The following PMFBP1 variants were observed in gnomAD, a reference collection of about 807,000 sequenced individuals.
PMFBP1 encodes the protein polyamine-modulated factor 1-binding protein 1.
Under a neutral mutation model 137.8 loss-of-function variants are expected in PMFBP1, and 131 were observed. The ratio of observed to expected loss-of-function variants is 0.95; its 90% confidence interval spans 0.82 to 1.10. PMFBP1 has a LOEUF of 1.10. Ranked by LOEUF, PMFBP1 falls within the 50% of genes least tolerant of loss-of-function variation. PMFBP1 has a pLI of 0.00. For synonymous variants in PMFBP1, 490 were observed against 450.4 expected (o/e 1.09, Z -1.11); for missense variants, 1,199 against 1,175.4 (o/e 1.02, Z -0.29).
the PMFBP1 span, among the ~76,000 whole-genome samples, chr16:72,245,001 T>C: frequency 5.3e-5 from 8 of 152,270 alleles, no homozygotes; most frequent in South Asian, 1.0e-3. Context: ...GTCGGGCAAC[T>C]GACTTGGGTT....
chr16:72,156,081 G>C (rs922240462), intron 3 of PMFBP1, among the ~76,000 whole-genome samples: 1 of 152,056 alleles, frequency 6.6e-6, no homozygotes, highest in African/African-American at 2.4e-5. Context: ...CCACCTCCCC[G>C]GTTCAAGTGA....
the PMFBP1 span, among the ~76,000 whole-genome samples, chr16:72,237,525 G>A: frequency 6.6e-6 from 1 of 151,990 alleles, no homozygotes; most frequent in Non-Finnish European, 1.5e-5. Flanking sequence ...ACCATGGGAT[G>A]TCTTTCCATT....
the PMFBP1 span, among the ~76,000 whole-genome samples, chr16:72,238,591 G>T: frequency 6.6e-6 from 1 of 152,034 alleles, no homozygotes; most frequent in Non-Finnish European, 1.5e-5. Context: ...CTTCCCTTTA[G>T]ACTTAATTAT....
chr16:72,133,046 G>T, intron 9 of PMFBP1, 55 bp from the exon 10 acceptor site: 1 of 1,589,632 alleles, frequency 6.3e-7, no homozygotes, highest in Non-Finnish European at 8.6e-7. Context: ...GTGGGTGAAG[G>T]CAATGAGAGG....
chr16:72,204,146 G>A, the PMFBP1 span, among the ~76,000 whole-genome samples: 1 of 151,764 alleles, frequency 6.6e-6, no homozygotes, highest in Non-Finnish European at 1.5e-5. Flanking sequence ...CTTCTCTTAT[G>A]GTGAAATGAT....
At chr16:72,156,356 C>T (rs184487910) in intron 3 of PMFBP1, among the ~76,000 whole-genome samples, 91 of 151,900 alleles carry the variant, frequency 6.0e-4, no homozygotes, top group South Asian at 4.4e-3. Flanking sequence ...CGGTGGCTCA[C>T]GCCTGTAATC....
chr16:72,209,947 C>T, the PMFBP1 span, among the ~76,000 whole-genome samples: 1 of 152,232 alleles, frequency 6.6e-6, no homozygotes, highest in Non-Finnish European at 1.5e-5. Context: ...CTGGGCCGTT[C>T]CCCCAGCTCT....
rs151007835 is a variant in PMFBP1 at position 72,140,311 on chromosome 16, C to T, written c.807+101G>A. On this transcript the variant is annotated intron_variant, in intron 6 of 20. Coordinates refer to ENST00000237353, the MANE Select transcript of PMFBP1 (RefSeq NM_031293.3). ...TATATATCAGACATTTGAGGATTCT[C>T]GGCGAAAAAGATTAATTTAGGTGAC... 19 of 1,238,500 alleles carry T rather than the reference C, an allele frequency of 1.5e-5. No homozygotes were observed. The African/African-American group carries it at 1.8e-4, about 12-fold the overall frequency. The allele number at this position is 1,238,500 out of a possible 1,614,324, so 76.7% of individuals were successfully genotyped here.
intron 3 of PMFBP1, among the ~76,000 whole-genome samples, chr16:72,159,130 C>A (rs542618063): frequency 3.3e-5 from 5 of 152,300 alleles, no homozygotes; most frequent in South Asian, 4.2e-4. Context: ...TTTGCTTCCA[C>A]GTCCCTGTTT....
In PMFBP1 at chr16:72,125,403, G is replaced by A. The variant is rs35278932; in HGVS notation, c.2256C>T (p.Leu752=). 18,043 of 1,608,470 alleles carry A rather than the reference G, an allele frequency of 0.011. 124 individuals are homozygous for A. Among genetic ancestry groups the A allele is most frequent in the Non-Finnish European group, 0.014 (16,037 of 1,178,542 alleles). ...QDDLTQALEK[L]NHVTSETKSL... Reference sequence around the variant, plus strand: ...TCTTTGTCTCTGAGGTCACGTGATTGAGCTTCCGGAAAAGACAAAGAGGAC... The same window carrying A: ...TCTTTGTCTCTGAGGTCACGTGATTAAGCTTCCGGAAAAGACAAAGAGGAC... The change falls in exon 16 of 21, where the codon CTC becomes CTT. Residue 752 remains leucine, a splice_region_variant and synonymous_variant. Transcript: ENST00000237353.
Position 72,122,905 on chromosome 16 carries a change from A to G in PMFBP1, c.2768+9T>C. On this transcript the variant is annotated intron_variant, in intron 19 of 20. Transcript: ENST00000237353. ...CAGGAAGCAGCCAGGGTGGTTTAAG[A>G]TGACTTACTCCTTTTCGCCACTCAG... 1 of 1,611,938 alleles carries G rather than the reference A, an allele frequency of 6.2e-7. No individual in the cohort carries two copies. Among genetic ancestry groups the G allele is most frequent in the Non-Finnish European group, 8.5e-7 (1 of 1,179,194 alleles).
At chr16:72,162,841 G>T (rs921445187) in intron 3 of PMFBP1, among the ~76,000 whole-genome samples, 1 of 152,188 alleles carries the variant, frequency 6.6e-6, no homozygotes, top group Admixed American at 6.5e-5. Flanking sequence ...CAGCAATGGT[G>T]AAAATATCCT....
chr16:72,190,683 TG>T, the PMFBP1 span, among the ~76,000 whole-genome samples: 1 of 149,526 alleles, frequency 6.7e-6, no homozygotes, highest in Non-Finnish European at 1.5e-5. Context: ...GAGAGAGAGG[TG>T]GGGTTGGGGA....
chr16:72,123,523 T>C (rs2042407961), intron 18 of PMFBP1, 23 bp downstream of exon 18: 24 of 1,609,538 alleles, frequency 1.5e-5, no homozygotes, highest in Non-Finnish European at 1.9e-5. Flanking sequence ...GGACCCTGCC[T>C]CCCTTTTTCC....
intron 2 of PMFBP1, among the ~76,000 whole-genome samples, chr16:72,167,292 A>G (rs905939701): frequency 6.6e-6 from 1 of 151,700 alleles, no homozygotes; most frequent in African/African-American, 2.4e-5. Flanking sequence ...TAGTACCTGG[A>G]CTTTTTTTTT....
intron 6 of PMFBP1, 31 bp from the exon 7 acceptor site, chr16:72,139,430 A>G: frequency 6.7e-7 from 1 of 1,483,780 alleles, no homozygotes; most frequent in South Asian, 1.1e-5. Flanking sequence ...GTTATGCTGG[A>G]TGATCAATGG....
chr16:72,249,200 T>A, the PMFBP1 span, among the ~76,000 whole-genome samples: 1 of 152,186 alleles, frequency 6.6e-6, no homozygotes, highest in Non-Finnish European at 1.5e-5. Flanking sequence ...GGTGCCTCCA[T>A]TTCAGTGTCT....
In PMFBP1 at chr16:72,125,371, T is replaced by C. The variant is rs781693529; in HGVS notation, c.2288A>G (p.Gln763Arg). The C allele has an allele frequency of 5.6e-6, 9 of 1,613,170 alleles. No individual in the cohort carries two copies. In the Admixed American group the frequency reaches 1.5e-4, roughly 27 times the overall value. Reference sequence around the variant, plus strand: ...CTCTTGGGTCTGTGTCAAGCTTTGCTGCAGGCTCTTTGTCTCTGAGGTCAC... The same window carrying C: ...CTCTTGGGTCTGTGTCAAGCTTTGCCGCAGGCTCTTTGTCTCTGAGGTCAC... ...NHVTSETKSL[Q>R]QSLTQTQEKK... The change falls in exon 16 of 21, where the codon CAG becomes CGG. Residue 763 changes from glutamine (Q) to arginine (R), a missense_variant. Coordinates refer to ENST00000237353, the MANE Select transcript of PMFBP1 (RefSeq NM_031293.3).
chr16:72,204,455 G>A, the PMFBP1 span, among the ~76,000 whole-genome samples: 1 of 152,064 alleles, frequency 6.6e-6, no homozygotes, highest in Admixed American at 6.5e-5. Context: ...TGCCTGCGTT[G>A]GCCTCCCAAA....
Sources: allele counts gnomAD v4.1 joint callset (sites outside exome capture counted in the v4.1 genomes callset), GRCh38; gene constraint gnomAD v4.1.1; transcripts MANE v1.5; gene names NCBI Gene and HGNC (gene_info 2026-07-23, HGNC 2026-07-21).